The following GNA12 variants were observed in gnomAD, a reference collection of about 807,000 sequenced individuals.
GNA12 encodes guanine nucleotide-binding protein subunit alpha-12.
A neutral mutation model predicts 26.0 loss-of-function variants in GNA12; 9 were observed. The ratio of observed to expected loss-of-function variants is 0.35; its 90% CI spans 0.21 to 0.60. The LOEUF (loss-of-function observed/expected upper bound fraction) is 0.60. Ranked by LOEUF, GNA12 falls within the 20% of genes least tolerant of loss-of-function variation. GNA12 has a pLI of 0.78. For synonymous variants in GNA12, 264 were observed against 219.6 expected (o/e 1.20, Z -1.79); for missense variants, 405 against 525.8 (o/e 0.77, Z 2.25).
intron 2 of GNA12, among the ~76,000 whole-genome samples, chr7:2,735,511 A>C (rs1790124295): frequency 6.6e-6 from 1 of 152,206 alleles, no homozygotes; most frequent in Admixed American, 6.5e-5. Context: ...CACAGAGGGC[A>C]CAATCAGGAC....
At chr7:2,771,593 A>G (rs1302856053) in intron 2 of GNA12, among the ~76,000 whole-genome samples, 7 of 152,044 alleles carry the variant, frequency 4.6e-5, no homozygotes, top group Admixed American at 2.0e-4. Context: ...ACTTGGCACA[A>G]TTCTTTCCAG....
intron 1 of GNA12, 137 bp downstream of exon 1, chr7:2,843,716 G>A (rs961725927): frequency 9.2e-6 from 4 of 434,182 alleles, no homozygotes; most frequent in African/African-American, 6.3e-5. Context: ...GGGGGGAGTG[G>A]GGTGCAGGCG....
chr7:2,795,627 C>CA (rs11412223), intron 1 of GNA12, among the ~76,000 whole-genome samples: 3,689 of 117,470 alleles, frequency 0.031, 182 homozygotes, highest in African/African-American at 0.11. Context: ...GACCCTGTTT[C>CA]AAAAAAAAAA....
At chr7:2,733,349 C>G in intron 3 of GNA12, 102 bp downstream of exon 3, 1 of 897,212 alleles carries the variant, frequency 1.1e-6, no homozygotes, top group South Asian at 1.4e-5. Context: ...CAAGCTCGGC[C>G]TGTCAGTCCA....
chr7:2,786,739 C>T (rs1054444339), intron 2 of GNA12, among the ~76,000 whole-genome samples: 5 of 152,244 alleles, frequency 3.3e-5, no homozygotes, highest in South Asian at 2.1e-4. Flanking sequence ...CAGCACAGAC[C>T]GGGACTGATG....
intron 2 of GNA12, among the ~76,000 whole-genome samples, chr7:2,776,377 C>T (rs917057122): frequency 6.6e-6 from 1 of 152,192 alleles, no homozygotes; most frequent in Non-Finnish European, 1.5e-5. Context: ...GTCATTTCCT[C>T]AGACCAGGGG....
At position 2,780,195 on chromosome 7, in the gene GNA12, G is replaced by C. The variant is rs902829141; in HGVS notation, c.525+14733C>G. The stretch of plus-strand genomic sequence containing the variant: ...ACTTCTTTCCATGTCAACATAGAGA[G>C]TTCTCTCTCAGCTTTTCTAACCGCT... On this transcript the variant is annotated intron_variant, in intron 2 of 3. Coordinates refer to ENST00000275364, the MANE Select transcript of GNA12 (RefSeq NM_007353.3). Among the ~76,000 whole-genome samples, 13 of 150,830 alleles carry C rather than the reference G, an allele frequency of 8.6e-5. No homozygotes were observed. In the South Asian group the frequency reaches 2.5e-3, roughly 29 times the overall value.
chr7:2,844,122 G>C lies in GNA12; in HGVS notation c.40C>G (p.Pro14Ala). The stretch of plus-strand genomic sequence containing the variant: ...TCGCGGGCCCCGCCGGCCTCGGCCG[G>C]CAGCAGGCAGCGGCTGAGGGTCCGC... ...VVRTLSRCLL[P>A]AEAGGARERR... Residue 14 changes from proline to alanine, a missense_variant, in exon 1 of 4, where the codon CCG (proline) becomes GCG (alanine). Physicochemically the swap from Pro to Ala is conservative, Grantham distance 27. Coordinates refer to ENST00000275364, the MANE Select transcript of GNA12 (RefSeq NM_007353.3). 1.0e-6 allele frequency: 1 copy of C among 988,972 alleles called. No individual in the cohort carries two copies. The highest frequency in any genetic ancestry group is 1.2e-6 in the Non-Finnish European group (1 of 834,112). 61.3% of individuals were successfully genotyped at this position (988,972 alleles called of 1,614,324 possible).
At chr7:2,812,526 G>C (rs748984011) in intron 1 of GNA12, among the ~76,000 whole-genome samples, 24 of 152,228 alleles carry the variant, frequency 1.6e-4, no homozygotes, top group Admixed American at 2.6e-4. Context: ...CTACTCAGGA[G>C]GCTGAGGTGG....
intron 2 of GNA12, among the ~76,000 whole-genome samples, chr7:2,778,367 T>C (rs1397046960): frequency 1.3e-5 from 2 of 152,234 alleles, no homozygotes; most frequent in African/African-American, 2.4e-5. Context: ...TCACCACTTA[T>C]GGATTGCATC....
At chr7:2,762,923 G>T (rs1562414484) in intron 2 of GNA12, 1 of 1,408,720 alleles carries the variant, frequency 7.1e-7, no homozygotes, top group African/African-American at 1.5e-5. Context: ...CCACAGGCGG[G>T]GACGCCCCAG....
chr7:2,775,625 C>T (rs1583271315), intron 2 of GNA12: 1 of 152,360 alleles, frequency 6.6e-6, no homozygotes, highest in East Asian at 1.9e-4. Flanking sequence ...TACTAAACGC[C>T]TGTGTCCTAC....
rs753001643 is a variant in GNA12, at chr7:2,731,329, T to C, written c.998A>G (p.Gln333Arg). Residue 333 changes from glutamine to arginine, a missense_variant, in exon 4 of 4, where the codon CAG (glutamine) becomes CGG (arginine). Coordinates refer to ENST00000275364, the MANE Select transcript of GNA12 (RefSeq NM_007353.3). The surrounding 1 kb of genome is among the most constrained non-coding windows in gnomAD (Gnocchi z 6.0). ...RLEDVQRYLV[Q>R]CFDRKRRNRS... The stretch of plus-strand genomic sequence containing the variant: ...GTTCCGTCTCTTCCTGTCGAAGCAC[T>C]GGACCAGGTAGCGCTGGACGTCCTC... The C allele has an allele frequency of 1.9e-6, 3 of 1,614,012 alleles. No homozygotes were observed. Among genetic ancestry groups the C allele is most frequent in the Non-Finnish European group, 2.5e-6 (3 of 1,179,994 alleles).
chr7:2,739,846 A>T (rs754745485), intron 2 of GNA12, among the ~76,000 whole-genome samples: 2 of 151,946 alleles, frequency 1.3e-5, no homozygotes, highest in Non-Finnish European at 2.9e-5. Context: ...TAATTTTTGT[A>T]TTTTTAGTAG....
intron 1 of GNA12, among the ~76,000 whole-genome samples, chr7:2,837,638 G>C (rs146005487): frequency 4.9e-4 from 74 of 152,316 alleles, no homozygotes; most frequent in African/African-American, 1.7e-3. Flanking sequence ...AACGACAGTA[G>C]ATTTCTCTTC....
chr7:2,843,609 T>C (rs1176662664), intron 1 of GNA12, among the ~76,000 whole-genome samples: 1 of 150,830 alleles, frequency 6.6e-6, no homozygotes. Flanking sequence ...AGGGCGCCAC[T>C]GCACTCAAGC....
chr7:2,759,716 G>A (rs1791468762), intron 2 of GNA12, among the ~76,000 whole-genome samples: 1 of 152,188 alleles, frequency 6.6e-6, no homozygotes, highest in African/African-American at 2.4e-5. Context: ...ATAGGAGAGA[G>A]ATGTATACAC....
intron 1 of GNA12, among the ~76,000 whole-genome samples, chr7:2,837,706 A>G (rs2114980183): frequency 6.6e-6 from 1 of 152,352 alleles, no homozygotes; most frequent in Middle Eastern, 3.4e-3. Flanking sequence ...ATTCTTGGAC[A>G]AAGGAAAGCT....
intron 2 of GNA12, among the ~76,000 whole-genome samples, chr7:2,756,215 C>T (rs1583243832): frequency 6.6e-6 from 1 of 152,020 alleles, no homozygotes; most frequent in East Asian, 1.9e-4. Flanking sequence ...AAGTTTTCAA[C>T]AAATGGTGCT....
Sources: gnomAD v4.1 joint callset for allele counts (sites outside exome capture counted in the v4.1 genomes callset) on GRCh38, gnomAD v4.1.1 for gene constraint, Gnocchi (gnomAD v3.1) non-coding constraint, MANE v1.5 for transcripts, NCBI Gene and HGNC (gene_info 2026-07-23, HGNC 2026-07-21) for gene names.